The following POLI variants were observed in gnomAD, a reference collection of about 807,000 sequenced individuals.
POLI encodes DNA polymerase iota.
A neutral mutation model predicts 51.6 loss-of-function variants in POLI; 58 were observed. That is an observed-to-expected ratio of 1.12 (90% CI 0.91 to 1.40). POLI has a LOEUF of 1.40. Ranked by LOEUF, POLI falls within the 40% of genes most tolerant of loss-of-function variation. The pLI, the probability that POLI is intolerant of heterozygous loss-of-function variation, is 0.00. For missense variants in POLI, 921 were observed against 871.3 expected, an observed-to-expected ratio of 1.06 and a Z score of -0.72; for synonymous variants, 322 against 299.7, an observed-to-expected ratio of 1.07 and a Z score of -0.77.
chr18:54,271,601 C>A, intron 2 of POLI, 116 bp downstream of exon 2: 2 of 713,920 alleles, frequency 2.8e-6, no homozygotes, highest in Non-Finnish European at 4.4e-6. Context: ...GCAGTTCTTA[C>A]AGTGCTTTAT....
chr18:54,315,541 G>T (rs989576070), intron 3 of POLI, among the ~76,000 whole-genome samples: 1 of 152,124 alleles, frequency 6.6e-6, no homozygotes, highest in African/African-American at 2.4e-5. Context: ...TTAATGTACT[G>T]TCTAACACTG....
Position 54,307,121 on chromosome 18 carries a change from C to T in POLI, c.334-13152C>T, listed in dbSNP as rs557405038. Among the ~76,000 whole-genome samples the T allele has an allele frequency of 3.9e-5, 6 of 152,112 alleles. No individual in the cohort carries two copies. In the South Asian group the frequency reaches 6.2e-4, roughly 16 times the overall value. On this transcript the variant is annotated intron_variant, in intron 3 of 4. Coordinates refer to the POLI transcript ENST00000579823. Reference sequence around the variant, plus strand: ...CTGCTCTCATCTTAGTTATTTCTTGCCTTCTGCTAGCTTTTGAATTTGTTT... The same window carrying T: ...CTGCTCTCATCTTAGTTATTTCTTGTCTTCTGCTAGCTTTTGAATTTGTTT...
Position 54,296,454 on chromosome 18 carries a change from T to A in POLI, c.*1987T>A. On this transcript the variant is annotated 3_prime_UTR_variant, in exon 10 of 10. Transcript: ENST00000579534. ...GATTATCTCTTTTTTCTTTGGTGCTTTGCAGGTTTACTGTATTATTTGGAA... is the reference window on the plus strand; with the variant it reads ...GATTATCTCTTTTTTCTTTGGTGCTATGCAGGTTTACTGTATTATTTGGAA... The A allele has an allele frequency of 1.3e-6, 1 of 770,346 alleles. No individual in the cohort carries two copies. The highest frequency in any genetic ancestry group is 1.6e-6 in the Non-Finnish European group (1 of 633,750). 47.7% of individuals were successfully genotyped at this position (770,346 alleles called of 1,614,324 possible).
chr18:54,295,543 AG>A lies in POLI; in HGVS notation c.*1077del. 1 of 854,214 alleles carries A rather than the reference AG, an allele frequency of 1.2e-6. No homozygotes were observed. The highest frequency in any genetic ancestry group is 1.2e-4 in the East Asian group (1 of 8,176). The allele number at this position is 854,214 out of a possible 1,614,324, so 52.9% of individuals were successfully genotyped here. ...TATAATTTTTGCACATATAATCTAA[AG>A]AAGAGACTTTAAAAATAAAGTACAC... On this transcript the variant is annotated 3_prime_UTR_variant, in exon 10 of 10. Coordinates refer to ENST00000579534, the MANE Select transcript of POLI (RefSeq NM_007195.3).
In POLI at chr18:54,297,274, A is replaced by G. The variant is rs1478095242; in HGVS notation, c.*2807A>G. The G allele has an allele frequency of 1.0e-6, 1 of 979,170 alleles. No individual in the cohort carries two copies. Among genetic ancestry groups the G allele is most frequent in the African/African-American group, 1.8e-5 (1 of 55,862 alleles). The allele number at this position is 979,170 out of a possible 1,614,324, so 60.7% of individuals were successfully genotyped here. ...TCTGCTGCTTTCTTGCTTTTGTTTC[A>G]GCTCGAGTTTGTTGTTGTTTTTTTT... is the stretch of plus-strand genomic sequence containing the variant. On this transcript the variant is annotated 3_prime_UTR_variant, in exon 10 of 10. Transcript: ENST00000579534.
chr18:54,308,680 C>T (rs985038544), intron 3 of POLI, among the ~76,000 whole-genome samples: 5 of 152,166 alleles, frequency 3.3e-5, no homozygotes, highest in African/African-American at 9.7e-5. Flanking sequence ...GAGTGTTTTC[C>T]AGCTGGGTTT....
At position 54,295,539 on chromosome 18, in the gene POLI, C is replaced by A. The variant is rs187412371; in HGVS notation, c.*1072C>A. The A allele has an allele frequency of 4.9e-5, 42 of 863,134 alleles. No individual in the cohort carries two copies. Among genetic ancestry groups the A allele is most frequent in the African/African-American group, 1.8e-5 (1 of 54,712 alleles). The allele number at this position is 863,134 out of a possible 1,614,324, so 53.5% of individuals were successfully genotyped here. On this transcript the variant is annotated 3_prime_UTR_variant, in exon 10 of 10. Transcript: ENST00000579534. ...AGTTTATAATTTTTGCACATATAAT[C>A]TAAAGAAGAGACTTTAAAAATAAAG... is the stretch of plus-strand genomic sequence containing the variant.
chr18:54,285,117 G>A (rs2087689023), intron 7 of POLI, among the ~76,000 whole-genome samples: 2 of 152,192 alleles, frequency 1.3e-5, no homozygotes, highest in African/African-American at 4.8e-5. Flanking sequence ...GCACTCAAAT[G>A]TCTTGAGCAG....
In POLI at chr18:54,271,446, GA is replaced by G. The variant is rs763419584; in HGVS notation, c.205del (p.Met69Ter). On this transcript the variant is annotated frameshift_variant, in exon 2 of 10. Coordinates refer to ENST00000579534, the MANE Select transcript of POLI (RefSeq NM_007195.3). LOFTEE classifies it high-confidence loss of function. ...VDLDCFYAQV[E>X]MISNPELKDK... is the part of the protein sequence containing the mutation. ...TCTGGATTGCTTTTATGCACAAGTA[GA>G]AATGATCTCAAATCCAGAGCTAAAA... 37 of 1,609,532 alleles carry G rather than the reference GA, an allele frequency of 2.3e-5. No homozygotes were observed. The highest frequency in any genetic ancestry group is 3.0e-5 in the Non-Finnish European group (35 of 1,176,566).
chr18:54,286,371 A>G (rs1447776705), intron 7 of POLI, among the ~76,000 whole-genome samples: 1 of 152,150 alleles, frequency 6.6e-6, no homozygotes, highest in Non-Finnish European at 1.5e-5. Flanking sequence ...AAACCAAGAC[A>G]TTTGCATGAA....
chr18:54,293,562 C>G, intron 9 of POLI, 87 bp from the exon 10 acceptor site: 1 of 913,924 alleles, frequency 1.1e-6, no homozygotes, highest in East Asian at 2.7e-5. Context: ...AGAAACATGT[C>G]AGATAATAGC....
At chr18:54,300,737 GAC>G (rs2088476094), downstream of POLI, among the ~76,000 whole-genome samples, 1 of 152,020 alleles carries the variant, frequency 6.6e-6, no homozygotes, top group African/African-American at 2.4e-5. Context: ...AAAAAATAAA[GAC>G]AAATATGTTA....
chr18:54,281,169 G>A (rs2087483578), intron 5 of POLI, among the ~76,000 whole-genome samples: 1 of 152,074 alleles, frequency 6.6e-6, no homozygotes, highest in African/African-American at 2.4e-5. Context: ...GAAAGTTATA[G>A]CCTAGAAACA....
chr18:54,306,082 A>G (rs561769761), intron 3 of POLI, among the ~76,000 whole-genome samples: 78 of 152,166 alleles, frequency 5.1e-4, no homozygotes, highest in Admixed American at 1.8e-3. Flanking sequence ...CTCTTGCCTG[A>G]TTGCCCTGGC....
chr18:54,304,708 G>C (rs1265793593), intron 3 of POLI, among the ~76,000 whole-genome samples: 1 of 152,050 alleles, frequency 6.6e-6, no homozygotes, highest in East Asian at 1.9e-4. Context: ...CCATTCTGTA[G>C]GTTGCCTGTT....
chr18:54,307,022 G>T (rs1292482621), intron 3 of POLI, among the ~76,000 whole-genome samples: 1 of 151,972 alleles, frequency 6.6e-6, no homozygotes, highest in Non-Finnish European at 1.5e-5. Flanking sequence ...CAACAAAATT[G>T]ATCTTCTCAA....
At chr18:54,271,593 A>ACT in intron 2 of POLI, 108 bp downstream of exon 2, 3 of 744,508 alleles carry the variant, frequency 4.0e-6, no homozygotes, top group Non-Finnish European at 6.3e-6. Context: ...TTTTGGAAGC[A>ACT]GTTCTTACAG....
chr18:54,273,566 T>C (rs748134919), intron 2 of POLI, among the ~76,000 whole-genome samples: 2 of 152,074 alleles, frequency 1.3e-5, no homozygotes, highest in East Asian at 1.9e-4. Context: ...TAGATTGCCT[T>C]TTGTATATGA....
In POLI at chr18:54,294,055, C is replaced by T; in HGVS notation, c.1811C>T (p.Thr604Ile). 6.2e-7 allele frequency: 1 copy of T among 1,612,938 alleles called. No homozygotes were observed. The highest frequency in any genetic ancestry group is 8.5e-7 in the Non-Finnish European group (1 of 1,179,034). The change falls in exon 10 of 10, where the codon ACA (threonine) becomes ATA (isoleucine). Residue 604 changes from threonine to isoleucine, a missense_variant. Transcript: ENST00000579534. The part of the protein sequence containing the change: ...VSSVSPCEPG[T>I]SGFNSSSSSY... ...TCTGTATCTCCTTGTGAACCGGGAACATCAGGCTTTAATAGCAGTAGTTCT... is the reference window on the plus strand; with the variant it reads ...TCTGTATCTCCTTGTGAACCGGGAATATCAGGCTTTAATAGCAGTAGTTCT...
Sources: gnomAD v4.1 joint callset for allele counts (sites outside exome capture counted in the v4.1 genomes callset) on GRCh38, gnomAD v4.1.1 for gene constraint, MANE v1.5 for transcripts, NCBI Gene and HGNC (gene_info 2026-07-23, HGNC 2026-07-21) for gene names.